SPA17: variants seen among roughly 807,000 people sequenced by gnomAD.
SPA17 encodes the protein sperm surface protein Sp17.
Under a neutral mutation model 13.8 loss-of-function variants are expected in SPA17, and 7 were observed. That is an observed-to-expected ratio of 0.51 (90% CI 0.29 to 0.95). The LOEUF is 0.95. Ranked by LOEUF, SPA17 falls within the 40% of genes least tolerant of loss-of-function variation. The pLI is 0.08. For synonymous variants in SPA17, 61 were observed against 59.0 expected, an observed-to-expected ratio of 1.03 and a Z score of -0.16; for missense variants, 170 against 179.3, an observed-to-expected ratio of 0.95 and a Z score of 0.30.
chr11:124,691,733 AAG>A lies in SPA17; in HGVS notation c.266_267del (p.Glu89ValfsTer19). On this transcript the variant is annotated frameshift_variant, in exon 4 of 5. Transcript: ENST00000227135. LOFTEE classifies it low-confidence loss of function (END_TRUNC). ...CCTGAGAAAAGTGATCCTAAACAAG[AAG>A]AGTCTCAGATATCTGGGAAGGAGGA... The A allele has an allele frequency of 6.2e-7, 1 of 1,612,698 alleles. No individual in the cohort carries two copies. The highest frequency in any genetic ancestry group is 1.1e-5 in the South Asian group (1 of 90,890).
chr11:124,682,272 T>G (rs1426126417), intron 3 of SPA17, among the ~76,000 whole-genome samples: 1 of 152,114 alleles, frequency 6.6e-6, no homozygotes, highest in African/African-American at 2.4e-5. Flanking sequence ...GGAATCAGCA[T>G]TATTGGCATC....
intron 3 of SPA17, among the ~76,000 whole-genome samples, chr11:124,689,637 C>T (rs934103368): frequency 5.9e-5 from 9 of 151,676 alleles, no homozygotes; most frequent in African/African-American, 1.2e-4. Flanking sequence ...ATTAGCCAGA[C>T]GTGGTGGTGT....
chr11:124,688,509 A>C (rs959407599), intron 3 of SPA17, among the ~76,000 whole-genome samples: 1 of 152,224 alleles, frequency 6.6e-6, no homozygotes, highest in Non-Finnish European at 1.5e-5. Flanking sequence ...AAAAACACAT[A>C]GGAGTAAACG....
intron 3 of SPA17, among the ~76,000 whole-genome samples, chr11:124,687,153 C>A (rs1390138170): frequency 6.6e-6 from 1 of 152,062 alleles, no homozygotes; most frequent in African/African-American, 2.4e-5. Context: ...CCATTATGAA[C>A]AATTATACAC....
At chr11:124,691,463 C>T (rs1446015236) in intron 3 of SPA17, among the ~76,000 whole-genome samples, 1 of 152,168 alleles carries the variant, frequency 6.6e-6, no homozygotes, top group Non-Finnish European at 1.5e-5. Flanking sequence ...ACAGATCAAA[C>T]ATTTTTGCCA....
intron 4 of SPA17, among the ~76,000 whole-genome samples, chr11:124,693,834 T>A (rs966130572): frequency 1.3e-5 from 2 of 152,220 alleles, no homozygotes; most frequent in Non-Finnish European, 2.9e-5. Flanking sequence ...AATGGATTTC[T>A]CTTTGGCACC....
chr11:124,677,057 C>T (rs1943474014), intron 2 of SPA17, among the ~76,000 whole-genome samples: 1 of 152,140 alleles, frequency 6.6e-6, no homozygotes, highest in Non-Finnish European at 1.5e-5. Context: ...ACATTTGCGT[C>T]ATTGTTACTG....
chr11:124,677,053 G>A (rs1943473805), intron 2 of SPA17, among the ~76,000 whole-genome samples: 1 of 151,994 alleles, frequency 6.6e-6, no homozygotes, highest in South Asian at 2.1e-4. Context: ...AAAAACATTT[G>A]CGTCATTGTT....
rs116740604 is a variant in SPA17 at position 124,691,031 on chromosome 11, A to G, written c.226-665A>G. Among the ~76,000 whole-genome samples the G allele has an allele frequency of 1.9e-3, 285 of 152,274 alleles. 1 individual carries two copies. Among genetic ancestry groups the G allele is most frequent in the African/African-American group, 6.7e-3 (279 of 41,560 alleles). On this transcript the variant is annotated intron_variant, in intron 3 of 4. Transcript: ENST00000227135. ...TTTTAAATCCTTGCATCACATAGCA[A>G]TTTTGGGGTGTTTCTTTTTTTAATT... is the stretch of plus-strand genomic sequence containing the variant.
chr11:124,691,785 A>G lies in SPA17; in HGVS notation c.312+3A>G, dbSNP rs200921093. ...AAGAGACATCAGTCACCATCTTAGT[A>G]TGTAATATTTTTCATGTACTATTGG... is the stretch of plus-strand genomic sequence containing the variant. On this transcript the variant is annotated splice_donor_region_variant and intron_variant, in intron 4 of 4. Transcript: ENST00000227135. The G allele has an allele frequency of 1.2e-5, 19 of 1,593,806 alleles. No homozygotes were observed. The highest frequency in any genetic ancestry group is 1.1e-5 in the South Asian group (1 of 89,274).
chr11:124,694,149 A>C (rs1943650783), intron 4 of SPA17, 154 bp from the exon 5 acceptor site: 1 of 911,556 alleles, frequency 1.1e-6, no homozygotes, highest in Non-Finnish European at 1.6e-6. Context: ...CATTTGGTAC[A>C]TATACAATGT....
At chr11:124,678,502 A>T (rs1356165782) in intron 2 of SPA17, among the ~76,000 whole-genome samples, 1 of 149,774 alleles carries the variant, frequency 6.7e-6, no homozygotes, top group Non-Finnish European at 1.5e-5. Flanking sequence ...AAAGAGGTTG[A>T]TATGAATACA....
intron 3 of SPA17, among the ~76,000 whole-genome samples, chr11:124,688,182 T>C (rs540702747): frequency 1.3e-5 from 2 of 152,282 alleles, no homozygotes; most frequent in African/African-American, 4.8e-5. Flanking sequence ...CTGAATAATG[T>C]TTTTGTCTTT....
intron 2 of SPA17, among the ~76,000 whole-genome samples, chr11:124,680,615 T>TA (rs1026935360): frequency 1.2e-4 from 18 of 152,174 alleles, no homozygotes; most frequent in Admixed American, 6.5e-5. Flanking sequence ...TAGTTGAGGA[T>TA]ATTGAGGAAT....
rs572183421 is a variant in SPA17, at chr11:124,689,232, CTT to C, written c.226-2462_226-2461del. The stretch of plus-strand genomic sequence containing the variant: ...ATACTAGAAGAAAACCTAGGAGAAA[CTT>C]TACTGGATATTGGTCTAGGCAAAGA... On this transcript the variant is annotated intron_variant, in intron 3 of 4. Coordinates refer to ENST00000227135, the MANE Select transcript of SPA17 (RefSeq NM_017425.4). Among the ~76,000 whole-genome samples, 34 of 152,254 alleles carry C rather than the reference CTT, an allele frequency of 2.2e-4. No individual in the cohort carries two copies. The South Asian group carries it at 5.2e-3, about 23-fold the overall frequency.
chr11:124,691,956 T>G (rs1254807470), intron 4 of SPA17, among the ~76,000 whole-genome samples, 174 bp downstream of exon 4: 1 of 152,196 alleles, frequency 6.6e-6, no homozygotes, highest in East Asian at 1.9e-4. Context: ...CAGCCATGCC[T>G]CTCTTGATCA....
At position 124,697,129 on chromosome 11, in the gene SPA17, G is replaced by A. The variant is rs1215082428; in HGVS notation, c.*2683G>A. ...TTCCATTGTTACCGCCTTGGTCCTA[G>A]TTCCCATGATAGCCTTGTGAATTAT... On this transcript the variant is annotated 3_prime_UTR_variant, in exon 5 of 5. Coordinates refer to ENST00000227135, the MANE Select transcript of SPA17 (RefSeq NM_017425.4). 6.6e-6 allele frequency: 1 copy of A among 152,222 alleles called. No homozygotes were observed. Among genetic ancestry groups the A allele is most frequent in the African/African-American group, 2.4e-5 (1 of 41,426 alleles). The allele number at this position is 152,222 out of a possible 1,614,324, so 9.4% of individuals were successfully genotyped here.
At chr11:124,694,273 A>G (rs368333697) in intron 4 of SPA17, 30 bp from the exon 5 acceptor site, 32 of 1,595,548 alleles carry the variant, frequency 2.0e-5, no homozygotes, top group Non-Finnish European at 2.6e-5. Context: ...ATATTTAAAG[A>G]GTCTCTTACT....
In SPA17 at chr11:124,675,413, G is replaced by C. The variant is rs148627768; in HGVS notation, c.149G>C (p.Arg50Thr). Residue 50 changes from arginine to threonine, a missense_variant, in exon 2 of 5, where the codon AGA (arginine) becomes ACA (threonine). Arg to Thr is a moderately conservative substitution (Grantham distance 71). Transcript: ENST00000227135. Reference protein sequence around the residue: ...AAYFESLLEKREKTNFDPAEW... With the variant: ...AAYFESLLEKTEKTNFDPAEW... The stretch of plus-strand genomic sequence containing the variant: ...TATTTTGAGAGCCTTCTAGAGAAAA[G>C]AGAGAGTAAGCTTTCTAAAATTAGT... The C allele has an allele frequency of 9.5e-5, 152 of 1,607,912 alleles. No individual in the cohort carries two copies. The East Asian group carries it at 3.4e-3, about 36-fold the overall frequency.
Sources: gnomAD v4.1 joint callset for allele counts (sites outside exome capture counted in the v4.1 genomes callset) on GRCh38, gnomAD v4.1.1 for gene constraint, MANE v1.5 for transcripts, NCBI Gene and HGNC (gene_info 2026-07-23, HGNC 2026-07-21) for gene names.